Variants in MIPOL1 observed in about 807,000 individuals in gnomAD.
The protein encoded by MIPOL1 is mirror-image polydactyly 1.
MIPOL1 carries 57 observed loss-of-function variants against 60.9 expected under a neutral mutation model. The ratio of observed to expected loss-of-function variants is 0.94; its 90% CI spans 0.76 to 1.17. The LOEUF (loss-of-function observed/expected upper bound fraction) is 1.17. Among genes scored for constraint, MIPOL1 ranks in the 50% most tolerant of loss-of-function variants. The pLI is 0.00. For synonymous variants in MIPOL1, 179 were observed against 168.8 expected (o/e 1.06, Z -0.47); for missense variants, 551 against 511.6 (o/e 1.08, Z -0.74).
chr14:37,452,003 G>C (rs2094427603), intron 11 of MIPOL1, among the ~76,000 whole-genome samples: 1 of 150,954 alleles, frequency 6.6e-6, no homozygotes, highest in Non-Finnish European at 1.5e-5. Context: ...TTTTAGTAGA[G>C]ACGGGGTTTC....
chr14:37,539,119 G>A lies in MIPOL1; in HGVS notation c.1263-7786G>A, dbSNP rs565473526. ...CGGGAGGCTGAGGCAGGAGAATGGCGTGAACCCAGGAGGCGGAGCTTGCAG... is the reference window on the plus strand; with the variant it reads ...CGGGAGGCTGAGGCAGGAGAATGGCATGAACCCAGGAGGCGGAGCTTGCAG... On this transcript the variant is annotated intron_variant, in intron 12 of 12. Coordinates refer to ENST00000684589, the MANE Select transcript of MIPOL1 (RefSeq NM_001388067.1). Among the ~76,000 whole-genome samples the A allele has an allele frequency of 3.2e-4, 49 of 152,038 alleles. No individual in the cohort carries two copies. The South Asian group carries it at 5.4e-3, about 17-fold the overall frequency.
At chr14:37,236,441 A>C (rs184472630) in intron 1 of MIPOL1, among the ~76,000 whole-genome samples, 448 of 151,462 alleles carry the variant, frequency 3.0e-3, no homozygotes, top group African/African-American at 0.01. Flanking sequence ...AGGCTTTTCT[A>C]AATTATTATT....
intron 5 of MIPOL1, among the ~76,000 whole-genome samples, chr14:37,269,043 T>C (rs1410274740): frequency 6.6e-6 from 1 of 152,144 alleles, no homozygotes; most frequent in African/African-American, 2.4e-5. Context: ...TGGTTCCTTG[T>C]ATACATATCT....
intron 11 of MIPOL1, among the ~76,000 whole-genome samples, chr14:37,471,548 G>A (rs917276529): frequency 6.6e-6 from 1 of 152,096 alleles, no homozygotes; most frequent in Non-Finnish European, 1.5e-5. Context: ...CCTAGCCAGA[G>A]CAATTTTTTT....
intron 11 of MIPOL1, among the ~76,000 whole-genome samples, chr14:37,461,769 A>G (rs2094541707): frequency 1.3e-5 from 2 of 152,106 alleles, no homozygotes; most frequent in Admixed American, 6.5e-5. Flanking sequence ...CTCCAAAATG[A>G]TCTCCTTTGA....
chr14:37,379,763 T>C (rs908555561), intron 10 of MIPOL1, among the ~76,000 whole-genome samples: 20 of 152,176 alleles, frequency 1.3e-4, no homozygotes, highest in Non-Finnish European at 2.5e-4. Flanking sequence ...AGTAGAAAAA[T>C]GTAAATTTTT....
At chr14:37,426,712 C>T (rs1212775490) in intron 11 of MIPOL1, among the ~76,000 whole-genome samples, 4 of 149,142 alleles carry the variant, frequency 2.7e-5, no homozygotes, top group African/African-American at 4.9e-5. Context: ...AGATTGAAGT[C>T]GGAAAGTGGA....
chr14:37,501,171 A>G (rs1258629349), intron 12 of MIPOL1, among the ~76,000 whole-genome samples: 3 of 152,170 alleles, frequency 2.0e-5, no homozygotes, highest in South Asian at 2.1e-4. Flanking sequence ...GTACCTTGAA[A>G]CTTTTGATTT....
chr14:37,398,207 T>A (rs2006063), intron 10 of MIPOL1, among the ~76,000 whole-genome samples: 1 of 151,340 alleles, frequency 6.6e-6, no homozygotes. Context: ...CTCCAGGTAA[T>A]TTCGGAAACT....
intron 11 of MIPOL1, among the ~76,000 whole-genome samples, chr14:37,487,483 G>A (rs987351383): frequency 6.6e-6 from 1 of 151,942 alleles, no homozygotes; most frequent in Non-Finnish European, 1.5e-5. Flanking sequence ...TTTTTTGGTT[G>A]GTAGGCTATT....
chr14:37,428,154 A>G (rs1041358663), intron 11 of MIPOL1, among the ~76,000 whole-genome samples: 13 of 152,214 alleles, frequency 8.5e-5, no homozygotes, highest in Admixed American at 6.5e-4. Flanking sequence ...TACAGCCGGC[A>G]TGTATACTGT....
chr14:37,205,310 G>T (rs1389933619), intron 1 of MIPOL1, among the ~76,000 whole-genome samples: 8 of 151,882 alleles, frequency 5.3e-5, no homozygotes. Flanking sequence ...CATCATGTTG[G>T]CCAGGCTGGT....
At chr14:37,474,647 G>A (rs1037535707) in intron 11 of MIPOL1, among the ~76,000 whole-genome samples, 13 of 152,014 alleles carry the variant, frequency 8.6e-5, no homozygotes, top group African/African-American at 3.1e-4. Flanking sequence ...ATCTTTATTA[G>A]CAGTGCAAGA....
chr14:37,394,082 A>ATATATATATATATC (rs1461974156), intron 10 of MIPOL1, among the ~76,000 whole-genome samples: 17 of 136,328 alleles, frequency 1.2e-4, no homozygotes, highest in South Asian at 2.3e-4. Flanking sequence ...ATATATATAT[A>ATATATATATATATC]TATCTCCATG....
chr14:37,314,084 A>T (rs540043904), intron 9 of MIPOL1, among the ~76,000 whole-genome samples: 15 of 152,280 alleles, frequency 9.9e-5, no homozygotes, highest in African/African-American at 3.6e-4. Flanking sequence ...TAAATTTATT[A>T]TCACTCTTTT....
chr14:37,317,057 T>C (rs1249613268), intron 9 of MIPOL1, among the ~76,000 whole-genome samples: 2 of 152,020 alleles, frequency 1.3e-5, no homozygotes, highest in African/African-American at 2.4e-5. Context: ...AGGAAATAGG[T>C]TCTAGAACAT....
At chr14:37,436,441 A>G (rs893452208) in intron 11 of MIPOL1, among the ~76,000 whole-genome samples, 1 of 152,150 alleles carries the variant, frequency 6.6e-6, no homozygotes, top group African/African-American at 2.4e-5. Flanking sequence ...TGAATTAAAG[A>G]TTTTTATTGA....
At chr14:37,215,806 G>A (rs1594507176) in intron 1 of MIPOL1, among the ~76,000 whole-genome samples, 1 of 152,132 alleles carries the variant, frequency 6.6e-6, no homozygotes, top group African/African-American at 2.4e-5. Context: ...GATGGCTCAC[G>A]CCTGTAATCC....
At chr14:37,422,051 A>G (rs915254955) in intron 10 of MIPOL1, among the ~76,000 whole-genome samples, 1 of 152,032 alleles carries the variant, frequency 6.6e-6, no homozygotes, top group African/African-American at 2.4e-5. Context: ...AACAATACTA[A>G]AACCTGACTT....
Sources: gnomAD v4.1 joint callset for allele counts (sites outside exome capture counted in the v4.1 genomes callset) on GRCh38, gnomAD v4.1.1 for gene constraint, MANE v1.5 for transcripts, NCBI Gene and HGNC (gene_info 2026-07-23, HGNC 2026-07-21) for gene names.